Variants in DCLK1 observed in about 807,000 individuals in gnomAD.
DCLK1 encodes doublecortin like kinase 1.
DCLK1 carries 16 observed loss-of-function variants against 86.2 expected under a neutral mutation model. The ratio of observed to expected loss-of-function variants is 0.19; its 90% CI spans 0.13 to 0.28. DCLK1 has a LOEUF of 0.28. DCLK1 is among the 10% of genes least tolerant of loss of function. The pLI, the probability that DCLK1 is intolerant of heterozygous loss-of-function variation, is 1.00. For synonymous variants in DCLK1, 369 were observed against 370.5 expected (o/e 1.00, Z 0.05); for missense variants, 590 against 940.2 (o/e 0.63, Z 4.87).
chr13:35,888,516 C>T (rs1271129561), intron 4 of DCLK1, among the ~76,000 whole-genome samples: 1 of 141,308 alleles, frequency 7.1e-6, no homozygotes, highest in East Asian at 2.1e-4. Context: ...AATGAATTCC[C>T]CATGCAGTAC....
Position 35,858,489 on chromosome 13 carries a change from T to A in DCLK1, c.941-3896A>T, listed in dbSNP as rs531531722. On this transcript the variant is annotated intron_variant, in intron 5 of 16. Coordinates refer to ENST00000360631, the MANE Select transcript of DCLK1 (RefSeq NM_001330071.2). ...GGAAGATGGCAGAGTTAAAGCTGGA[T>A]TTCATTTAGGTCTTACTCAAAAAAC... Among the ~76,000 whole-genome samples the A allele has an allele frequency of 2.0e-5, 3 of 152,210 alleles. No homozygotes were observed. In the East Asian group the frequency reaches 5.8e-4, roughly 29 times the overall value.
rs562429679 is a variant in DCLK1, at chr13:36,064,273, T to C, written c.723+47596A>G. Among the ~76,000 whole-genome samples, 37 of 152,334 alleles carry C rather than the reference T, an allele frequency of 2.4e-4. No individual in the cohort carries two copies. The South Asian group carries it at 6.8e-3, about 28-fold the overall frequency. On this transcript the variant is annotated intron_variant, in intron 3 of 16. Coordinates refer to ENST00000360631, the MANE Select transcript of DCLK1 (RefSeq NM_001330071.2). ...GCAAATGTCCAGAAGGAAATATGTA[T>C]GGTGAACTGTTCATCGTAAGTTTGC...
chr13:36,017,625 A>G (rs1881590567), intron 3 of DCLK1, among the ~76,000 whole-genome samples: 1 of 152,186 alleles, frequency 6.6e-6, no homozygotes, highest in African/African-American at 2.4e-5. Context: ...TGCATTCTCA[A>G]TCTCTGAAAC....
chr13:35,856,966 C>G (rs1458262507), intron 5 of DCLK1, among the ~76,000 whole-genome samples: 1 of 152,142 alleles, frequency 6.6e-6, no homozygotes, highest in Non-Finnish European at 1.5e-5. Context: ...CTAGGCAGTT[C>G]AAAACCTGCA....
chr13:35,838,933 C>G (rs1427555942), intron 7 of DCLK1, among the ~76,000 whole-genome samples, 159 bp downstream of exon 7: 3 of 152,084 alleles, frequency 2.0e-5, no homozygotes, highest in Non-Finnish European at 4.4e-5. Flanking sequence ...GATACCAATC[C>G]CTGGTGGGCA....
At chr13:35,912,493 C>T (rs1177475380) in intron 4 of DCLK1, among the ~76,000 whole-genome samples, 1 of 152,142 alleles carries the variant, frequency 6.6e-6, no homozygotes, top group African/African-American at 2.4e-5. Flanking sequence ...GATGATTCGA[C>T]TTCAGTGGGA....
At chr13:35,927,884 A>G (rs554762790) in intron 4 of DCLK1, among the ~76,000 whole-genome samples, 3 of 152,250 alleles carry the variant, frequency 2.0e-5, no homozygotes, top group African/African-American at 4.8e-5. Flanking sequence ...AAGACTCTGG[A>G]CGCTAGCAGC....
intron 5 of DCLK1, among the ~76,000 whole-genome samples, chr13:35,867,909 A>AAAAGAAAGAAAGAAGGAAAG (rs1871935020): frequency 9.8e-6 from 1 of 102,374 alleles, no homozygotes; most frequent in Non-Finnish European, 1.9e-5. Flanking sequence ...GAAAGAAAGA[A>AAAAGAAAGAAAGAAGGAAAG]AAAGAAAGAA....
At chr13:36,119,267 G>C (rs1410579746) in intron 2 of DCLK1, among the ~76,000 whole-genome samples, 2 of 152,150 alleles carry the variant, frequency 1.3e-5, no homozygotes, top group Non-Finnish European at 2.9e-5. Flanking sequence ...TTAAAATAAT[G>C]TCAGTTGATG....
At chr13:35,933,232 C>T (rs1484067285) in intron 4 of DCLK1, among the ~76,000 whole-genome samples, 1 of 152,216 alleles carries the variant, frequency 6.6e-6, no homozygotes, top group Non-Finnish European at 1.5e-5. Context: ...TTGCAAGGTA[C>T]AGCTTCCCTC....
chr13:35,859,235 T>C (rs1291918847), intron 5 of DCLK1, among the ~76,000 whole-genome samples: 1 of 152,226 alleles, frequency 6.6e-6, no homozygotes, highest in African/African-American at 2.4e-5. Flanking sequence ...ATTAATTATT[T>C]CAATCTGAAT....
intron 3 of DCLK1, among the ~76,000 whole-genome samples, chr13:36,060,496 A>C (rs1283518091): frequency 6.6e-6 from 1 of 152,178 alleles, no homozygotes; most frequent in African/African-American, 2.4e-5. Context: ...TCAAACACAG[A>C]CATTCCGTAT....
At chr13:35,986,099 C>T (rs1041501119) in intron 3 of DCLK1, among the ~76,000 whole-genome samples, 11 of 151,646 alleles carry the variant, frequency 7.3e-5, no homozygotes, top group African/African-American at 2.7e-4. Context: ...GTCAGGAGTT[C>T]GAGACCAGCC....
intron 4 of DCLK1, among the ~76,000 whole-genome samples, chr13:35,877,087 A>G (rs1414659575): frequency 6.6e-6 from 1 of 152,192 alleles, no homozygotes; most frequent in African/African-American, 2.4e-5. Flanking sequence ...TAGTCCCTAC[A>G]TTCATCTGAG....
At chr13:35,785,744 C>T (rs557606342) in intron 16 of DCLK1, among the ~76,000 whole-genome samples, 3 of 152,292 alleles carry the variant, frequency 2.0e-5, no homozygotes, top group South Asian at 2.1e-4. Context: ...GCGCTTTAAA[C>T]ACAACAATTG....
chr13:35,801,505 A>ATT lies in DCLK1; in HGVS notation c.1944+4192_1944+4193dup, dbSNP rs11455091. On this transcript the variant is annotated intron_variant, in intron 15 of 16. Transcript: ENST00000360631. ...AGTCTGTTTGAATTACAGAAAGGGT[A>ATT]TTTTTTTTTTAGTTTTCGATCTCCT... 2.2e-4 allele frequency among the ~76,000 whole-genome samples: 33 copies of ATT among 149,984 alleles called. 1 individual carries two copies. Among genetic ancestry groups the ATT allele is most frequent in the East Asian group, 9.9e-4 (5 of 5,076 alleles).
chr13:36,008,221 A>AT (rs1213698554), intron 3 of DCLK1, among the ~76,000 whole-genome samples: 1,952 of 9,174 alleles, frequency 0.21, 15 homozygotes, highest in Non-Finnish European at 0.28. Flanking sequence ...TATTATTATT[A>AT]TTATTATTTT....
chr13:35,901,098 A>G (rs1395286979), intron 4 of DCLK1, among the ~76,000 whole-genome samples: 1 of 152,222 alleles, frequency 6.6e-6, no homozygotes, highest in Non-Finnish European at 1.5e-5. Flanking sequence ...TTAATTCAGT[A>G]AACAGTAGAT....
chr13:35,871,478 C>T lies in DCLK1; in HGVS notation c.824-138G>A. On this transcript the variant is annotated intron_variant, in intron 4 of 16. Transcript: ENST00000360631. ...TACTTCCCACCAGCTGGGTTCTTGT[C>T]TATGTCAATGAAACCAAGAAAACAA... is the stretch of plus-strand genomic sequence containing the variant. 5.4e-6 allele frequency: 4 copies of T among 735,576 alleles called. No individual in the cohort carries two copies. The Admixed American group carries it at 9.2e-5, about 17-fold the overall frequency. The allele number at this position is 735,576 out of a possible 1,614,324, so 45.6% of individuals were successfully genotyped here.
Sources: allele counts gnomAD v4.1 joint callset (sites outside exome capture counted in the v4.1 genomes callset), GRCh38; gene constraint gnomAD v4.1.1; transcripts MANE v1.5; gene names NCBI Gene and HGNC (gene_info 2026-07-23, HGNC 2026-07-21).